GRIP1: variants seen among roughly 807,000 people sequenced by gnomAD.
The protein encoded by GRIP1 is glutamate receptor interacting protein 1.
GRIP1 carries 45 observed loss-of-function variants against 129.9 expected under a neutral mutation model. The ratio of observed to expected loss-of-function variants is 0.35; its 90% CI spans 0.27 to 0.44. The LOEUF is 0.44. Among genes scored for constraint, GRIP1 ranks in the 20% least tolerant of loss-of-function variants. GRIP1 has a pLI of 1.00. For synonymous variants in GRIP1, 530 were observed against 520.8 expected (o/e 1.02, Z -0.24); for missense variants, 1,196 against 1,396.8 (o/e 0.86, Z 2.29).
intron 1 of GRIP1, among the ~76,000 whole-genome samples, chr12:66,848,889 T>C (rs2039863776): frequency 6.6e-6 from 1 of 152,152 alleles, no homozygotes; most frequent in African/African-American, 2.4e-5. Context: ...GTCCCAAATT[T>C]ATAAATGAGA....
chr12:67,022,854 C>T (rs1445463260), intron 1 of GRIP1, among the ~76,000 whole-genome samples: 2 of 152,106 alleles, frequency 1.3e-5, no homozygotes, highest in Non-Finnish European at 2.9e-5. Flanking sequence ...ACCCACACTC[C>T]CTTCTCTCCC....
intron 1 of GRIP1, among the ~76,000 whole-genome samples, chr12:66,714,638 A>G (rs2035812992): frequency 6.6e-6 from 1 of 152,062 alleles, no homozygotes; most frequent in Admixed American, 6.6e-5. Context: ...TTCATGCACA[A>G]TTTACAATGA....
intron 1 of GRIP1, among the ~76,000 whole-genome samples, chr12:66,646,740 GAA>G: frequency 6.6e-6 from 1 of 152,210 alleles, no homozygotes; most frequent in East Asian, 1.9e-4. Context: ...ATGGGATAAG[GAA>G]AGTCACATAT....
At chr12:66,364,946 G>A (rs1486107177) in intron 23 of GRIP1, among the ~76,000 whole-genome samples, 1 of 151,878 alleles carries the variant, frequency 6.6e-6, no homozygotes, top group East Asian at 1.9e-4. Flanking sequence ...TTTCCCCAGG[G>A]CGTGTCCATA....
At chr12:66,547,237 C>G (rs1011034655) in intron 2 of GRIP1, among the ~76,000 whole-genome samples, 15 of 152,058 alleles carry the variant, frequency 9.9e-5, no homozygotes, top group African/African-American at 3.4e-4. Context: ...TCATTACACA[C>G]TTATCAGAAA....
intron 1 of GRIP1, among the ~76,000 whole-genome samples, chr12:67,021,625 C>A (rs2042868530): frequency 6.6e-6 from 1 of 152,292 alleles, no homozygotes; most frequent in African/African-American, 2.4e-5. Context: ...AAACACTTAT[C>A]ATTTTCTTGT....
chr12:66,685,706 C>A lies in GRIP1; in HGVS notation c.-419-55370G>T, dbSNP rs541929005. ...TAGATCAAGGGAAGAAATTAGATTT[C>A]TAAAACAGGTTGGATGAAGTAGTTT... is the stretch of plus-strand genomic sequence containing the variant. On this transcript the variant is annotated intron_variant, in intron 1 of 4. Transcript: ENST00000538373. 5.9e-5 allele frequency among the ~76,000 whole-genome samples: 9 copies of A among 152,298 alleles called. No individual in the cohort carries two copies. The East Asian group carries it at 1.7e-3, about 29-fold the overall frequency.
chr12:66,496,746 GCT>G lies in GRIP1; in HGVS notation c.724+18871_724+18872del, dbSNP rs550311383. Among the ~76,000 whole-genome samples the G allele has an allele frequency of 6.2e-3, 951 of 152,222 alleles. 9 individuals are homozygous for G. Among genetic ancestry groups the G allele is most frequent in the Non-Finnish European group, 0.011 (755 of 68,014 alleles). ...ATGGCCTGAAACCCTTCCACGTGGT[GCT>G]CTGAGATTCAGGCATCCTGATGCTT... On this transcript the variant is annotated intron_variant, in intron 7 of 24. Coordinates refer to ENST00000359742, the MANE Select transcript of GRIP1 (RefSeq NM_001366722.1).
At chr12:66,562,657 G>C (rs1357318121) in intron 2 of GRIP1, among the ~76,000 whole-genome samples, 1 of 152,060 alleles carries the variant, frequency 6.6e-6, no homozygotes, top group African/African-American at 2.4e-5. Context: ...GAGTTTTTAT[G>C]AAAAATCTGG....
chr12:66,738,873 T>A (rs2036697822), intron 1 of GRIP1, among the ~76,000 whole-genome samples: 2 of 152,214 alleles, frequency 1.3e-5, no homozygotes, highest in South Asian at 4.1e-4. Context: ...AAGCTGACTT[T>A]TCTACGTTGC....
At chr12:66,390,296 T>C (rs1051133931) in intron 19 of GRIP1, among the ~76,000 whole-genome samples, 5 of 152,198 alleles carry the variant, frequency 3.3e-5, no homozygotes, top group African/African-American at 9.7e-5. Context: ...TGGGGATTAG[T>C]TATGTGAAAG....
chr12:66,934,853 CCCTGTGCCCAGGAG>C (rs2041459025), intron 1 of GRIP1, among the ~76,000 whole-genome samples: 2 of 152,176 alleles, frequency 1.3e-5, no homozygotes, highest in Admixed American at 6.5e-5. Flanking sequence ...GTGAGATTTA[CCCTGTGCCCAGGAG>C]ACACCAGAAA....
At chr12:66,933,487 A>G (rs1222166853) in intron 1 of GRIP1, among the ~76,000 whole-genome samples, 2 of 152,218 alleles carry the variant, frequency 1.3e-5, no homozygotes, top group Non-Finnish European at 2.9e-5. Flanking sequence ...AATATCTATT[A>G]TTAAGCTTTT....
At chr12:66,527,722 G>A (rs567870391) in intron 5 of GRIP1, among the ~76,000 whole-genome samples, 2 of 151,960 alleles carry the variant, frequency 1.3e-5, no homozygotes, top group Non-Finnish European at 2.9e-5. Flanking sequence ...ACCAAATACT[G>A]CATGTTCTCA....
At chr12:66,413,794 A>C (rs555418894) in intron 15 of GRIP1, among the ~76,000 whole-genome samples, 25 of 152,362 alleles carry the variant, frequency 1.6e-4, no homozygotes, top group Admixed American at 3.3e-4. Flanking sequence ...TTGGTTCAAC[A>C]TACACAAAAC....
At position 67,004,085 on chromosome 12, in the gene GRIP1, T is replaced by C. The variant is rs540055011; in HGVS notation, c.58+64965A>G. 1.5e-4 allele frequency among the ~76,000 whole-genome samples: 23 copies of C among 152,334 alleles called. No homozygotes were observed. In the South Asian group the frequency reaches 2.7e-3, roughly 18 times the overall value. On this transcript the variant is annotated intron_variant, in intron 1 of 1. Transcript: ENST00000643019. ...GACATTTGTGATGGCATTTAGGGGC[T>C]TACCTGGTAGTCCAGGGTAATCTCA...
intron 1 of GRIP1, among the ~76,000 whole-genome samples, chr12:66,728,158 G>A (rs1166357001): frequency 6.6e-6 from 1 of 152,174 alleles, no homozygotes; most frequent in Non-Finnish European, 1.5e-5. Flanking sequence ...AGATAATTCA[G>A]ATTTTAATGT....
At chr12:66,580,070 T>A (rs1395181105) in intron 2 of GRIP1, among the ~76,000 whole-genome samples, 1 of 148,762 alleles carries the variant, frequency 6.7e-6, no homozygotes, top group Non-Finnish European at 1.5e-5. Context: ...TGGCAGAAAC[T>A]CTACAAGCCA....
At position 66,790,605 on chromosome 12, in the gene GRIP1, C is replaced by T. The variant is rs550334071; in HGVS notation, c.-420+13448G>A. 9.9e-5 allele frequency among the ~76,000 whole-genome samples: 15 copies of T among 151,956 alleles called. No homozygotes were observed. In the East Asian group the frequency reaches 1.9e-3, roughly 20 times the overall value. The stretch of plus-strand genomic sequence containing the variant: ...AAAATATAATAGAAAACTTAGATAA[C>T]GTAAGGAATGAGAAATGAATTCAAG... On this transcript the variant is annotated intron_variant, in intron 1 of 4. Transcript: ENST00000538373.
Sources: allele counts gnomAD v4.1 joint callset (sites outside exome capture counted in the v4.1 genomes callset), GRCh38; gene constraint gnomAD v4.1.1; transcripts MANE v1.5; gene names NCBI Gene and HGNC (gene_info 2026-07-23, HGNC 2026-07-21).